DLG2: variants seen among roughly 807,000 people sequenced by gnomAD.
The protein encoded by DLG2 is disks large homolog 2.
Under a neutral mutation model 132.5 loss-of-function variants are expected in DLG2, and 45 were observed. The ratio of observed to expected loss-of-function variants is 0.34; its 90% confidence interval spans 0.27 to 0.44. The LOEUF (loss-of-function observed/expected upper bound fraction) is 0.44. DLG2 is among the 20% of genes least tolerant of loss of function. The pLI, the probability that DLG2 is intolerant of heterozygous loss-of-function variation, is 1.00. For synonymous variants in DLG2, 424 were observed against 419.6 expected (o/e 1.01, Z -0.13); for missense variants, 1,045 against 1,196.9 (o/e 0.87, Z 1.87).
intron 6 of DLG2, among the ~76,000 whole-genome samples, chr11:85,103,178 A>G (rs1566853812): frequency 5.9e-5 from 9 of 152,034 alleles, no homozygotes; most frequent in Non-Finnish European, 2.9e-5. Context: ...ATAAACAGCA[A>G]TATTCCTCAA....
intron 6 of DLG2, among the ~76,000 whole-genome samples, chr11:84,659,607 A>G (rs1296021539): frequency 6.6e-6 from 1 of 152,198 alleles, no homozygotes; most frequent in Non-Finnish European, 1.5e-5. Flanking sequence ...AAGTTACTGA[A>G]TGACTATCCT....
intron 6 of DLG2, among the ~76,000 whole-genome samples, chr11:84,882,806 A>G (rs1246725068): frequency 1.3e-5 from 2 of 152,058 alleles, no homozygotes; most frequent in South Asian, 2.1e-4. Flanking sequence ...GAGTCAACCT[A>G]GTTCTGTAGT....
At chr11:83,700,309 G>A (rs2082702068) in intron 18 of DLG2, among the ~76,000 whole-genome samples, 1 of 152,110 alleles carries the variant, frequency 6.6e-6, no homozygotes, top group Admixed American at 6.5e-5. Context: ...TTCTGCTCAA[G>A]GGCCAAAGAG....
At chr11:83,852,605 T>A (rs1484682345) in intron 16 of DLG2, among the ~76,000 whole-genome samples, 2 of 152,226 alleles carry the variant, frequency 1.3e-5, no homozygotes, top group Non-Finnish European at 2.9e-5. Flanking sequence ...TTACTAACCT[T>A]TAGCTGTAGT....
intron 6 of DLG2, among the ~76,000 whole-genome samples, chr11:84,633,541 G>T (rs567503257): frequency 4.2e-4 from 64 of 151,790 alleles, no homozygotes; most frequent in Non-Finnish European, 7.5e-4. Flanking sequence ...TGGATGATAG[G>T]AATCTGTCCT....
chr11:85,344,255 C>T (rs2082685908), intron 3 of DLG2, among the ~76,000 whole-genome samples: 3 of 152,156 alleles, frequency 2.0e-5, no homozygotes, highest in Admixed American at 2.0e-4. Context: ...TCTTATGGGG[C>T]ATCTTGGTCT....
intron 3 of DLG2, among the ~76,000 whole-genome samples, chr11:85,474,830 G>T (rs1263954562): frequency 2.0e-5 from 3 of 151,124 alleles, no homozygotes; most frequent in African/African-American, 7.3e-5. Context: ...ATGGCCACAT[G>T]GTTACCATAT....
chr11:85,467,311 T>C (rs2092823962), intron 3 of DLG2, among the ~76,000 whole-genome samples: 1 of 152,206 alleles, frequency 6.6e-6, no homozygotes, highest in South Asian at 2.1e-4. Flanking sequence ...TTCCTTCTCC[T>C]GCCTGATTGC....
chr11:84,668,922 CTGTTCT>C (rs1179997126), intron 6 of DLG2, among the ~76,000 whole-genome samples: 3 of 152,154 alleles, frequency 2.0e-5, no homozygotes, highest in African/African-American at 7.2e-5. Context: ...GTGCCAGGCA[CTGTTCT>C]AGGTACCAGC....
chr11:84,042,592 A>G (rs1305528315), intron 11 of DLG2, among the ~76,000 whole-genome samples: 1 of 151,784 alleles, frequency 6.6e-6, no homozygotes, highest in Non-Finnish European at 1.5e-5. Flanking sequence ...CTTTATATAG[A>G]TCCCAAATGT....
intron 6 of DLG2, among the ~76,000 whole-genome samples, chr11:84,772,239 T>C (rs2069549763): frequency 6.6e-6 from 1 of 152,002 alleles, no homozygotes; most frequent in Non-Finnish European, 1.5e-5. Context: ...CCTCAATATA[T>C]ATGCTAACTA....
intron 19 of DLG2, among the ~76,000 whole-genome samples, chr11:83,606,995 G>A (rs2059439494): frequency 6.6e-6 from 1 of 152,232 alleles, no homozygotes; most frequent in Non-Finnish European, 1.5e-5. Flanking sequence ...ATTGAGCAAT[G>A]AACGATTCGC....
In DLG2 at chr11:84,863,039, C is replaced by T. The variant is rs573713258; in HGVS notation, c.357+248622G>A. On this transcript the variant is annotated intron_variant, in intron 6 of 27. Transcript: ENST00000376104. ...CAACTCTGCTTGCTATCCTTGTCTT[C>T]CCTAAGGAATTTATTAGCCAGTTCA... Among the ~76,000 whole-genome samples the T allele has an allele frequency of 8.8e-4, 134 of 152,118 alleles. 2 individuals are homozygous for T. The highest frequency in any genetic ancestry group is 3.2e-3 in the African/African-American group (132 of 41,526).
In DLG2 at chr11:84,334,482, A is replaced by G. The variant is rs753292832; in HGVS notation, c.520-83191T>C. On this transcript the variant is annotated intron_variant, in intron 7 of 27. Transcript: ENST00000376104. ...TATTACAAGTTTTCTCAGGGTCTCC[A>G]TTAGCTTTGAAAGGTAATGTCACTT... 1.8e-3 allele frequency among the ~76,000 whole-genome samples: 271 copies of G among 152,228 alleles called. 3 individuals carry two copies. Among genetic ancestry groups the G allele is most frequent in the Non-Finnish European group, 5.3e-4 (36 of 68,038 alleles).
At chr11:84,741,317 G>C (rs984790711) in intron 6 of DLG2, among the ~76,000 whole-genome samples, 1 of 151,912 alleles carries the variant, frequency 6.6e-6, no homozygotes, top group Non-Finnish European at 1.5e-5. Context: ...GCCTCCCAAA[G>C]TGCTGGGATT....
chr11:85,148,841 T>G (rs1197507010), intron 5 of DLG2, among the ~76,000 whole-genome samples: 1 of 152,212 alleles, frequency 6.6e-6, no homozygotes, highest in East Asian at 1.9e-4. Context: ...CTGTCTTGAA[T>G]GGTATTGCCT....
At chr11:84,579,987 G>C (rs2099512609) in intron 6 of DLG2, among the ~76,000 whole-genome samples, 1 of 152,176 alleles carries the variant, frequency 6.6e-6, no homozygotes, top group Admixed American at 6.5e-5. Flanking sequence ...CCATGAAAGT[G>C]AGTATAAGGG....
chr11:85,460,322 C>T (rs1262968296), intron 3 of DLG2, among the ~76,000 whole-genome samples: 1 of 152,212 alleles, frequency 6.6e-6, no homozygotes, highest in African/African-American at 2.4e-5. Context: ...TCTGCCCAGA[C>T]TCCACACAGC....
chr11:83,832,286 G>A (rs911820765), intron 17 of DLG2, among the ~76,000 whole-genome samples: 1 of 152,114 alleles, frequency 6.6e-6, no homozygotes, highest in African/African-American at 2.4e-5. Flanking sequence ...GAAGAGAACA[G>A]GAGAAAACTT....
Sources: gnomAD v4.1 joint callset for allele counts (sites outside exome capture counted in the v4.1 genomes callset) on GRCh38, gnomAD v4.1.1 for gene constraint, MANE v1.5 for transcripts, NCBI Gene and HGNC (gene_info 2026-07-23, HGNC 2026-07-21) for gene names.